Variants in CAST observed in about 807,000 individuals in gnomAD.
The protein encoded by CAST is calpastatin, also known as MIR583 host.
A neutral mutation model predicts 119.6 loss-of-function variants in CAST; 76 were observed. The ratio of observed to expected loss-of-function variants is 0.64; its 90% CI spans 0.53 to 0.77. CAST has a LOEUF of 0.77. CAST is among the 30% of genes least tolerant of loss of function. The pLI is 0.00. For synonymous variants in CAST, 319 were observed against 331.6 expected (o/e 0.96, Z 0.41); for missense variants, 953 against 946.5 (o/e 1.01, Z -0.09).
chr5:96,711,032 G>A (rs1756029836), intron 3 of CAST, among the ~76,000 whole-genome samples: 1 of 152,118 alleles, frequency 6.6e-6, no homozygotes, highest in Non-Finnish European at 1.5e-5. Context: ...GGCAGGCCTG[G>A]ATTCTTAGCC....
At chr5:96,034,507 ATATG>A in the CAST span, among the ~76,000 whole-genome samples, 647 of 125,262 alleles carry the variant, frequency 5.2e-3, 17 homozygotes, top group South Asian at 0.011. Flanking sequence ...ACACACACAC[ATATG>A]TGTGTGTGTA....
chr5:96,516,631 T>G, the CAST span, among the ~76,000 whole-genome samples: 3 of 152,170 alleles, frequency 2.0e-5, no homozygotes, highest in Non-Finnish European at 4.4e-5. Flanking sequence ...CTTAACTCCC[T>G]CTCCCCGCTA....
chr5:96,566,213 T>C (rs1746467116), intron 1 of CAST, among the ~76,000 whole-genome samples: 1 of 152,248 alleles, frequency 6.6e-6, no homozygotes, highest in East Asian at 1.9e-4. Flanking sequence ...ACGCTCTGCC[T>C]TTAGCCTAAT....
chr5:96,243,571 G>GA, the CAST span, among the ~76,000 whole-genome samples: 44 of 152,168 alleles, frequency 2.9e-4, no homozygotes, highest in African/African-American at 9.4e-4. Context: ...TATAGTAAGA[G>GA]AAAAAATATA....
chr5:96,733,042 C>T (rs1383737619), intron 9 of CAST, among the ~76,000 whole-genome samples: 1 of 152,130 alleles, frequency 6.6e-6, no homozygotes, highest in East Asian at 1.9e-4. Flanking sequence ...GGCACATCTC[C>T]CTGAAACATC....
At chr5:96,290,554 G>A in the CAST span, among the ~76,000 whole-genome samples, 4 of 152,126 alleles carry the variant, frequency 2.6e-5, no homozygotes, top group South Asian at 2.1e-4. Context: ...AAGCAGTGAC[G>A]ATGAAGCTTC....
the CAST span, among the ~76,000 whole-genome samples, chr5:96,075,370 T>C: frequency 2.0e-5 from 3 of 152,212 alleles, no homozygotes; most frequent in Non-Finnish European, 4.4e-5. Context: ...TGTTTTCCTA[T>C]TAGTTACGGA....
chr5:96,432,694 G>C, the CAST span, among the ~76,000 whole-genome samples: 1 of 152,258 alleles, frequency 6.6e-6, no homozygotes, highest in Middle Eastern at 3.4e-3. Context: ...AATAATGCAA[G>C]CTTTCTCTCT....
the CAST span, among the ~76,000 whole-genome samples, chr5:96,136,021 A>T: frequency 6.6e-6 from 1 of 152,262 alleles, no homozygotes; most frequent in South Asian, 2.1e-4. Flanking sequence ...AGATCACACC[A>T]CTGCACTCTG....
chr5:96,045,360 AAAAAAAAAAAG>A, the CAST span, among the ~76,000 whole-genome samples: 1 of 145,702 alleles, frequency 6.9e-6, no homozygotes, highest in Non-Finnish European at 1.5e-5. Flanking sequence ...TCTCAAGAAA[AAAAAAAAAAAG>A]AAAAGAAAAA....
intron 1 of CAST, among the ~76,000 whole-genome samples, chr5:96,537,207 C>T (rs1745836697): frequency 1.3e-5 from 2 of 152,328 alleles, no homozygotes; most frequent in African/African-American, 2.4e-5. Context: ...TCCTCTTCAC[C>T]CAACTCAGTT....
At chr5:96,535,567 T>TC (rs1211467232) in intron 1 of CAST, among the ~76,000 whole-genome samples, 1 of 36,860 alleles carries the variant, frequency 2.7e-5, no homozygotes, top group Non-Finnish European at 5.1e-5. Context: ...ATAAACAATT[T>TC]TTTTTTTTTT....
the CAST span, among the ~76,000 whole-genome samples, chr5:96,362,227 C>T: frequency 6.6e-6 from 1 of 152,150 alleles, no homozygotes; most frequent in African/African-American, 2.4e-5. Flanking sequence ...TTAATCCAGT[C>T]TATCATTGAT....
chr5:96,012,636 CTCTTTGCTACT>C, the CAST span, among the ~76,000 whole-genome samples: 1 of 152,160 alleles, frequency 6.6e-6, no homozygotes, highest in Non-Finnish European at 1.5e-5. Context: ...GTTACACCTA[CTCTTTGCTACT>C]TCTTAGACCT....
chr5:96,242,544 A>G, the CAST span, among the ~76,000 whole-genome samples: 1 of 152,204 alleles, frequency 6.6e-6, no homozygotes, highest in East Asian at 1.9e-4. Flanking sequence ...CCTCCAATTA[A>G]GAGACTATGT....
At chr5:96,762,824 T>C (rs1768465524) in intron 25 of CAST, 2 of 284,292 alleles carry the variant, frequency 7.0e-6, no homozygotes, top group African/African-American at 4.4e-5. Context: ...ACAAACGTCA[T>C]GGAATAGCAT....
the CAST span, among the ~76,000 whole-genome samples, chr5:96,433,708 AAGG>A: frequency 6.6e-6 from 1 of 152,154 alleles, no homozygotes; most frequent in Admixed American, 6.5e-5. Context: ...CTAGGAGAGT[AAGG>A]AGAAGAAGGG....
chr5:96,716,268 G>A (rs1053931873), intron 3 of CAST, among the ~76,000 whole-genome samples: 22 of 152,160 alleles, frequency 1.4e-4, no homozygotes, highest in African/African-American at 2.4e-4. Flanking sequence ...AGGGTTTTGC[G>A]TATATGTGTT....
At chr5:96,410,214 G>A in the CAST span, among the ~76,000 whole-genome samples, 1 of 152,112 alleles carries the variant, frequency 6.6e-6, no homozygotes, top group African/African-American at 2.4e-5. Flanking sequence ...GCAAGCGTGG[G>A]CTGGAGGAGC....
Sources: allele counts gnomAD v4.1 joint callset (sites outside exome capture counted in the v4.1 genomes callset), GRCh38; gene constraint gnomAD v4.1.1; transcripts MANE v1.5; gene names NCBI Gene and HGNC (gene_info 2026-07-23, HGNC 2026-07-21).